Variants in CHRNA4 observed in about 807,000 individuals in gnomAD.
CHRNA4 encodes neuronal acetylcholine receptor subunit alpha-4.
Under a neutral mutation model 48.9 loss-of-function variants are expected in CHRNA4, and 28 were observed. The observed-to-expected ratio is 0.57, with a 90% confidence interval of 0.42 to 0.79. The LOEUF is 0.79. Among genes scored for constraint, CHRNA4 ranks in the 30% least tolerant of loss-of-function variants. The pLI, the probability that CHRNA4 is intolerant of heterozygous loss-of-function variation, is 0.00. For missense variants in CHRNA4, 859 were observed against 898.4 expected, an observed-to-expected ratio of 0.96 and a Z score of 0.56; for synonymous variants, 425 against 402.3, an observed-to-expected ratio of 1.06 and a Z score of -0.68.
chr20:63,348,437 G>A (rs2068529506), intron 5 of CHRNA4, among the ~76,000 whole-genome samples: 3 of 152,262 alleles, frequency 2.0e-5, no homozygotes. Flanking sequence ...GGGTGGCTGT[G>A]TGGGGCGAGC....
At chr20:63,348,111 G>A (rs1568806399) in intron 5 of CHRNA4, among the ~76,000 whole-genome samples, 1 of 152,342 alleles carries the variant, frequency 6.6e-6, no homozygotes, top group South Asian at 2.1e-4. Context: ...TTGTCCCCGA[G>A]GTGGCTGCTG....
In CHRNA4 at chr20:63,354,681, A is replaced by C. The variant is rs567369285; in HGVS notation, c.383+1294T>G. 1.7e-5 allele frequency: 17 copies of C among 986,036 alleles called. No homozygotes were observed. The Admixed American group carries it at 6.1e-4, about 36-fold the overall frequency. The allele number at this position is 986,036 out of a possible 1,614,324, so 61.1% of individuals were successfully genotyped here. ...CAGAGGCTTCGTTCCTGGGGGCTGC[A>C]TTCCTGGAGGGCTGTGCACAGGCAC... On this transcript the variant is annotated intron_variant, in intron 4 of 5. Coordinates refer to ENST00000370263, the MANE Select transcript of CHRNA4 (RefSeq NM_000744.7).
intron 3 of CHRNA4, 76 bp from the exon 4 acceptor site, chr20:63,356,160 G>A: frequency 1.3e-6 from 1 of 751,050 alleles, no homozygotes; most frequent in East Asian, 3.1e-5. Context: ...GGGCCAGGGT[G>A]GGGCAGGGGC....
intron 2 of CHRNA4, 27 bp downstream of exon 2, chr20:63,359,521 G>A (rs747111141): frequency 6.2e-7 from 1 of 1,612,348 alleles, no homozygotes; most frequent in Non-Finnish European, 8.5e-7. Flanking sequence ...CTCAGTCACA[G>A]TGCACGATGG....
intron 2 of CHRNA4, among the ~76,000 whole-genome samples, chr20:63,359,026 T>C (rs60207571): frequency 1 from 152,242 of 152,250 alleles, 76,117 homozygotes; most frequent in Middle Eastern, 1. Context: ...AGCAGCCTTC[T>C]TGGGCCCCCC....
rs1248351566 is a variant in CHRNA4, at chr20:63,361,303, G to C, written c.-138C>G. ...CCGGGCCCGGTTCGTCTTCTCCTGT[G>C]GGGCGCGGTGCGGCGGCGGCGCGGC... On this transcript the variant is annotated 5_prime_UTR_variant, in exon 1 of 6. Coordinates refer to ENST00000370263, the MANE Select transcript of CHRNA4 (RefSeq NM_000744.7). The C allele has an allele frequency of 7.9e-7, 1 of 1,267,376 alleles. No homozygotes were observed. Among genetic ancestry groups the C allele is most frequent in the Non-Finnish European group, 9.9e-7 (1 of 1,008,254 alleles). 78.5% of individuals were successfully genotyped at this position (1,267,376 alleles called of 1,614,324 possible).
In CHRNA4 at chr20:63,361,256, G is replaced by T; in HGVS notation, c.-91C>A. ...GCGCGCCCAACTTCATGCCTCCCGC[G>T]CCTCGCGGGCCGCTTCGGCCGCCGG... is the stretch of plus-strand genomic sequence containing the variant. On this transcript the variant is annotated 5_prime_UTR_variant, in exon 1 of 6. Transcript: ENST00000370263. 1.4e-6 allele frequency: 2 copies of T among 1,397,822 alleles called. No individual in the cohort carries two copies. The highest frequency in any genetic ancestry group is 3.1e-5 in the African/African-American group (2 of 65,264). The allele number at this position is 1,397,822 out of a possible 1,614,324, so 86.6% of individuals were successfully genotyped here. A position where few individuals can be genotyped will look rare whatever the true frequency, so the allele number is the denominator to read the frequency against.
Position 63,350,589 on chromosome 20 carries a change from C to A in CHRNA4, c.822G>T (p.Lys274Asn). 6.2e-7 allele frequency: 1 copy of A among 1,613,996 alleles called. No homozygotes were observed. ...GCAGCACGGAGATGCACAGCGTGAT[C>A]TTCTCGCCACACTCGGAGGGCAGGT... Reference protein sequence around the residue: ...VFYLPSECGEKITLCISVLLS... With the variant: ...VFYLPSECGENITLCISVLLS... The change falls in exon 5 of 6, where the codon AAG becomes AAT. Residue 274 changes from lysine (K) to asparagine (N), a missense_variant. Physicochemically the swap from Lys to Asn is moderately conservative, Grantham distance 94. Transcript: ENST00000370263.
chr20:63,351,141 A>G, intron 4 of CHRNA4, 114 bp from the exon 5 acceptor site: 1 of 901,234 alleles, frequency 1.1e-6, no homozygotes, highest in African/African-American at 2.0e-5. Context: ...ATCCACGCCC[A>G]CATCCACGTC....
intron 5 of CHRNA4, among the ~76,000 whole-genome samples, chr20:63,347,549 C>T (rs2094218742): frequency 6.6e-6 from 1 of 152,224 alleles, no homozygotes; most frequent in Non-Finnish European, 1.5e-5. Flanking sequence ...CCCCCAGGAG[C>T]AGAGGCCTAG....
intron 4 of CHRNA4, among the ~76,000 whole-genome samples, chr20:63,351,945 CG>C (rs2068622458): frequency 6.6e-6 from 1 of 152,206 alleles, no homozygotes; most frequent in South Asian, 2.1e-4. Flanking sequence ...GCCAGGCTCA[CG>C]GGGGCAGCAG....
At position 63,345,958 on chromosome 20, in the gene CHRNA4, C is replaced by T; in HGVS notation, c.*780G>A. On this transcript the variant is annotated 3_prime_UTR_variant, in exon 6 of 6. Transcript: ENST00000370263. This position sits in a 1 kb window ranked among gnomAD's most constrained non-coding sequence, Gnocchi z 5.4. ...CACCTGCCAGAGCCCTGGCCCTACG[C>T]CTGGAAGGCAGAGTCCTGGTCTCCA... The T allele has an allele frequency of 2.2e-6, 1 of 454,086 alleles. No homozygotes were observed. The allele number at this position is 454,086 out of a possible 1,614,324, so 28.1% of individuals were successfully genotyped here.
chr20:63,357,864 C>T (rs1365837865), intron 2 of CHRNA4, among the ~76,000 whole-genome samples: 2 of 152,192 alleles, frequency 1.3e-5, no homozygotes, highest in African/African-American at 2.4e-5. Context: ...GGGTGGGCAG[C>T]TCTGGGAGTC....
chr20:63,349,193 C>G (rs11086162), intron 5 of CHRNA4, among the ~76,000 whole-genome samples: 2 of 152,156 alleles, frequency 1.3e-5, no homozygotes, highest in Admixed American at 6.5e-5. Flanking sequence ...TCTGAGCCCC[C>G]TACATCCAGG....
chr20:63,353,793 T>C (rs1433162264), intron 4 of CHRNA4, among the ~76,000 whole-genome samples: 1 of 50,614 alleles, frequency 2.0e-5, no homozygotes, highest in Non-Finnish European at 3.6e-5. Flanking sequence ...TAGGGGGCTA[T>C]GGTCCTAGAG....
chr20:63,356,322 G>C, intron 3 of CHRNA4, 49 bp downstream of exon 3: 1 of 1,504,554 alleles, frequency 6.6e-7, no homozygotes, highest in Non-Finnish European at 9.0e-7. Context: ...GCAGGGTGAG[G>C]GGTGTGGGGG....
chr20:63,346,977 G>A, intron 5 of CHRNA4, 114 bp from the exon 6 acceptor site: 6 of 1,505,002 alleles, frequency 4.0e-6, no homozygotes, highest in Admixed American at 1.7e-5. Context: ...TTCCACCCGA[G>A]GCAGCCATTG....
chr20:63,354,055 C>G, intron 4 of CHRNA4, among the ~76,000 whole-genome samples: 1 of 125,338 alleles, frequency 8.0e-6, no homozygotes, highest in Non-Finnish European at 1.7e-5. Context: ...TGTGGTCAGG[C>G]AAGAACTGTG....
At position 63,356,025 on chromosome 20, in the gene CHRNA4, G is replaced by A; in HGVS notation, c.333C>T (p.Ile111=). The A allele has an allele frequency of 6.2e-7, 1 of 1,609,722 alleles. No individual in the cohort carries two copies. Among genetic ancestry groups the A allele is most frequent in the Non-Finnish European group, 8.5e-7 (1 of 1,178,972 alleles). Residue 111 remains isoleucine, a synonymous_variant, in exon 4 of 6, where the codon ATC becomes ATT. Transcript: ENST00000370263. ...GCCAGATGAGCTCGGAGGGGATGCG[G>A]ATGGAGGTGACATTCTCATAGTCAG... is the stretch of plus-strand genomic sequence containing the variant. The part of the protein sequence containing the change: ...DPADYENVTS[I]RIPSELIWRP...
Sources: gnomAD v4.1 joint callset for allele counts (sites outside exome capture counted in the v4.1 genomes callset) on GRCh38, gnomAD v4.1.1 for gene constraint, Gnocchi (gnomAD v3.1) non-coding constraint, MANE v1.5 for transcripts, NCBI Gene and HGNC (gene_info 2026-07-23, HGNC 2026-07-21) for gene names.